Variants in TNN observed in about 807,000 individuals in gnomAD.
TNN encodes the protein tenascin N, also known as tenascin-N.
In TNN, 122 loss-of-function variants were observed where a neutral mutation model predicts 134.4. That is an observed-to-expected ratio of 0.91 (90% CI 0.78 to 1.06). TNN has a LOEUF of 1.06. Among genes scored for constraint, TNN ranks in the 50% least tolerant of loss-of-function variants. TNN has a pLI of 0.00. For synonymous variants in TNN, 710 were observed against 670.3 expected, an observed-to-expected ratio of 1.06 and a Z score of -0.91; for missense variants, 1,739 against 1,699.4, an observed-to-expected ratio of 1.02 and a Z score of -0.41.
At position 175,127,060 on chromosome 1, in the gene TNN, A is replaced by C; in HGVS notation, c.3020A>C (p.Tyr1007Ser). 1 of 1,614,034 alleles carries C rather than the reference A, an allele frequency of 6.2e-7. No individual in the cohort carries two copies. The highest frequency in any genetic ancestry group is 8.5e-7 in the Non-Finnish European group (1 of 1,179,980). Residue 1007 changes from tyrosine (Y) to serine (S), a missense_variant, in exon 13 of 19, where the codon TAC becomes TCC. Coordinates refer to ENST00000239462, the MANE Select transcript of TNN (RefSeq NM_022093.2). ...CAGATCCACGGCTACATTCTGACTT[A>C]CCAGTTCCCAGATGGCACAGTTAAG... The part of the protein sequence containing the change: ...SAQIHGYILT[Y>S]QFPDGTVKEM...
intron 9 of TNN, among the ~76,000 whole-genome samples, chr1:175,112,463 T>G (rs1286661392): frequency 6.6e-6 from 1 of 152,126 alleles, no homozygotes; most frequent in Non-Finnish European, 1.5e-5. Context: ...TGTTTGCTTT[T>G]GGTTTCTGTT....
intron 9 of TNN, among the ~76,000 whole-genome samples, chr1:175,104,993 C>T (rs1419471937): frequency 1.4e-5 from 2 of 145,782 alleles, no homozygotes; most frequent in Non-Finnish European, 3.0e-5. Flanking sequence ...GTCAAAGTCC[C>T]AGTGGGGATC....
intron 15 of TNN, among the ~76,000 whole-genome samples, chr1:175,134,355 G>A (rs1461147166): frequency 6.6e-6 from 1 of 152,072 alleles, no homozygotes; most frequent in Non-Finnish European, 1.5e-5. Context: ...GACCAGTCTG[G>A]CCAATATGGT....
chr1:175,136,484 G>A (rs1675815650), intron 16 of TNN, among the ~76,000 whole-genome samples: 1 of 152,136 alleles, frequency 6.6e-6, no homozygotes, highest in African/African-American at 2.4e-5. Flanking sequence ...ATCTCTTTGG[G>A]GATCTTAGGA....
Position 175,105,072 on chromosome 1 carries a change from C to G in TNN, c.2119+6477C>G, listed in dbSNP as rs541567618. Among the ~76,000 whole-genome samples, 3 of 146,010 alleles carry G rather than the reference C, an allele frequency of 2.1e-5. 1 individual carries two copies. In the South Asian group the frequency reaches 6.9e-4, roughly 34 times the overall value. On this transcript the variant is annotated intron_variant, in intron 9 of 18. Coordinates refer to ENST00000239462, the MANE Select transcript of TNN (RefSeq NM_022093.2). The stretch of plus-strand genomic sequence containing the variant: ...TCTTCGGCTGTCATTCTTTCATTTA[C>G]TTGACTAGGATACCAGGTATCTCCA...
chr1:175,142,007 G>A (rs1409761151), intron 17 of TNN, among the ~76,000 whole-genome samples: 1 of 152,184 alleles, frequency 6.6e-6, no homozygotes, highest in Non-Finnish European at 1.5e-5. Context: ...CAGATTCTTA[G>A]AAAGCAGCCC....
chr1:175,124,372 TAAAAC>T (rs759425458), intron 12 of TNN, among the ~76,000 whole-genome samples: 6 of 151,810 alleles, frequency 4.0e-5, no homozygotes, highest in Non-Finnish European at 5.9e-5. Context: ...AGAGACGTGT[TAAAAC>T]AAAACAAAAC....
intron 16 of TNN, 62 bp from the exon 17 acceptor site, chr1:175,136,759 G>T: frequency 1.3e-6 from 2 of 1,521,456 alleles, no homozygotes; most frequent in Non-Finnish European, 1.8e-6. Context: ...AGACACACAT[G>T]TTGAGTGCTT....
chr1:175,121,449 A>G (rs1412045051), intron 11 of TNN, among the ~76,000 whole-genome samples: 1 of 152,232 alleles, frequency 6.6e-6, no homozygotes, highest in Admixed American at 6.5e-5. Flanking sequence ...AGCCAGGACC[A>G]TGTGGTACTT....
At chr1:175,125,250 G>A (rs1309390665) in intron 12 of TNN, among the ~76,000 whole-genome samples, 2 of 152,196 alleles carry the variant, frequency 1.3e-5, no homozygotes, top group Non-Finnish European at 2.9e-5. Flanking sequence ...CAGCTGAAAT[G>A]CTACTGGGTA....
intron 18 of TNN, among the ~76,000 whole-genome samples, chr1:175,145,784 C>T (rs1184874433): frequency 6.6e-6 from 1 of 152,008 alleles, no homozygotes; most frequent in Non-Finnish European, 1.5e-5. Flanking sequence ...TTTCTCAAGC[C>T]TCCTCTGCCC....
chr1:175,122,722 A>C (rs1675409289), intron 11 of TNN, among the ~76,000 whole-genome samples: 1 of 152,246 alleles, frequency 6.6e-6, no homozygotes, highest in African/African-American at 2.4e-5. Flanking sequence ...AGTGAAGTTA[A>C]GGTATGTAGA....
At chr1:175,080,571 TTC>T in intron 4 of TNN, 145 bp downstream of exon 4, 3 of 1,012,180 alleles carry the variant, frequency 3.0e-6, no homozygotes, top group South Asian at 1.7e-5. Context: ...AGAGTCCCAG[TTC>T]TCTCTCTTCT....
At chr1:175,145,806 C>T (rs965979338) in intron 18 of TNN, among the ~76,000 whole-genome samples, 10 of 152,138 alleles carry the variant, frequency 6.6e-5, no homozygotes, top group African/African-American at 1.9e-4. Flanking sequence ...AGTGCATCAT[C>T]CTGACTCTTT....
At position 175,079,584 on chromosome 1, in the gene TNN, G is replaced by A. The variant is rs1364908404; in HGVS notation, c.661G>A (p.Glu221Lys). 1.3e-6 allele frequency: 2 copies of A among 1,590,744 alleles called. No individual in the cohort carries two copies. Among genetic ancestry groups the A allele is most frequent in the Non-Finnish European group, 1.7e-6 (2 of 1,170,026 alleles). Residue 221 changes from glutamate (E) to lysine (K), a missense_variant, in exon 3 of 19, where the codon GAA becomes AAA. Transcript: ENST00000239462. ...ECVRGVCQCH[E>K]DFMSEDCSEK... is the part of the protein sequence containing the mutation. ...CGTGCGCGGCGTGTGCCAGTGCCAC[G>A]AAGACTTCATGTCGGAGGACTGCAG...
At chr1:175,074,496 A>C (rs984463609) in intron 1 of TNN, among the ~76,000 whole-genome samples, 1 of 149,548 alleles carries the variant, frequency 6.7e-6, no homozygotes, top group African/African-American at 2.5e-5. Flanking sequence ...AAAAAAAAAA[A>C]AAAAAAAAAA....
intron 18 of TNN, among the ~76,000 whole-genome samples, chr1:175,144,988 G>A (rs1676028519): frequency 6.6e-6 from 1 of 152,286 alleles, no homozygotes; most frequent in East Asian, 1.9e-4. Flanking sequence ...GGTTCTTGGT[G>A]GTGGACCTTG....
chr1:175,139,103 A>G (rs1367263685), intron 17 of TNN, among the ~76,000 whole-genome samples: 1 of 152,228 alleles, frequency 6.6e-6, no homozygotes, highest in Non-Finnish European at 1.5e-5. Context: ...GCGAATGTGA[A>G]GGCCCAGGAC....
chr1:175,143,775 A>G (rs555198843), intron 17 of TNN, among the ~76,000 whole-genome samples: 1 of 152,300 alleles, frequency 6.6e-6, no homozygotes, highest in South Asian at 2.1e-4. Flanking sequence ...TCCACGTGGT[A>G]TGAAGTAGAC....
Sources: gnomAD v4.1 joint callset for allele counts (sites outside exome capture counted in the v4.1 genomes callset) on GRCh38, gnomAD v4.1.1 for gene constraint, MANE v1.5 for transcripts, NCBI Gene and HGNC (gene_info 2026-07-23, HGNC 2026-07-21) for gene names.